Variants in DEPDC5 observed in about 807,000 individuals in gnomAD.
DEPDC5 encodes GATOR1 complex protein DEPDC5.
A neutral mutation model predicts 217.3 loss-of-function variants in DEPDC5; 73 were observed. The ratio of observed to expected loss-of-function variants is 0.34; its 90% CI spans 0.28 to 0.41. The LOEUF is 0.41. Among genes scored for constraint, DEPDC5 ranks in the 10% least tolerant of loss-of-function variants. The pLI is 1.00. For synonymous variants in DEPDC5, 733 were observed against 756.7 expected (o/e 0.97, Z 0.51); for missense variants, 1,675 against 2,070.1 (o/e 0.81, Z 3.70).
chr22:31,803,619 T>C (rs1446804575), intron 15 of DEPDC5, among the ~76,000 whole-genome samples: 1 of 151,986 alleles, frequency 6.6e-6, no homozygotes, highest in Non-Finnish European at 1.5e-5. Context: ...TTTGATTTGT[T>C]TCATCAACAA....
Position 31,837,260 on chromosome 22 carries a change from T to C in DEPDC5, c.2354+105T>C, listed in dbSNP as rs1034934876. ...TTTGTGCTGGCTTCAGCAACACATA[T>C]ATTAAAATTGGAACGATATAGAGGA... On this transcript the variant is annotated intron_variant, in intron 26 of 42. Transcript: ENST00000651528. The C allele has an allele frequency of 8.0e-5, 101 of 1,258,036 alleles. No individual in the cohort carries two copies. In the Admixed American group the frequency reaches 2.5e-3, roughly 31 times the overall value. The allele number at this position is 1,258,036 out of a possible 1,614,324, so 77.9% of individuals were successfully genotyped here.
intron 37 of DEPDC5, among the ~76,000 whole-genome samples, chr22:31,879,029 C>CAAAGAAA (rs1425789379): frequency 1.2e-4 from 8 of 68,174 alleles, no homozygotes; most frequent in Admixed American, 1.9e-4. Context: ...GACTCCGTCT[C>CAAAGAAA]AAAAAAAAAA....
intron 8 of DEPDC5, among the ~76,000 whole-genome samples, chr22:31,781,114 G>A (rs2084382173): frequency 6.6e-6 from 1 of 151,922 alleles, no homozygotes; most frequent in South Asian, 2.1e-4. Context: ...TACTTGGGAG[G>A]CTGAGGCAAG....
At chr22:31,879,067 T>TATATAC (rs1476103970) in intron 37 of DEPDC5, among the ~76,000 whole-genome samples, 1 of 133,968 alleles carries the variant, frequency 7.5e-6, no homozygotes, top group East Asian at 2.0e-4. Flanking sequence ...TATATATATA[T>TATATAC]ACACACACAC....
At chr22:31,880,040 G>C in intron 38 of DEPDC5, 2 of 408,752 alleles carry the variant, frequency 4.9e-6, no homozygotes, top group East Asian at 5.4e-5. Context: ...TTTTCCCGAG[G>C]GTTCTGTAGG....
intron 5 of DEPDC5, among the ~76,000 whole-genome samples, chr22:31,765,954 C>T (rs751494569): frequency 6.6e-6 from 1 of 152,036 alleles, no homozygotes; most frequent in Non-Finnish European, 1.5e-5. Context: ...GCCCAGGAGG[C>T]GGAGGCTGCA....
chr22:31,841,842 C>T (rs1210263206), intron 27 of DEPDC5, among the ~76,000 whole-genome samples: 1 of 152,198 alleles, frequency 6.6e-6, no homozygotes, highest in Non-Finnish European at 1.5e-5. Flanking sequence ...TCTAGGAAGT[C>T]AGCCTGAATT....
chr22:31,884,356 CCTG>C (rs1468533664), intron 38 of DEPDC5, among the ~76,000 whole-genome samples: 1 of 152,220 alleles, frequency 6.6e-6, no homozygotes, highest in Admixed American at 6.5e-5. Context: ...CACACTCTCT[CCTG>C]CTGGCAAAGC....
chr22:31,772,845 GAT>G (rs2083477795), intron 7 of DEPDC5, among the ~76,000 whole-genome samples: 1 of 151,790 alleles, frequency 6.6e-6, no homozygotes, highest in Non-Finnish European at 1.5e-5. Context: ...GTAGTAGCAT[GAT>G]ATCTCCCCAC....
chr22:31,879,361 C>G (rs1303166682), intron 37 of DEPDC5, among the ~76,000 whole-genome samples, 164 bp from the exon 38 acceptor site: 1 of 151,936 alleles, frequency 6.6e-6, no homozygotes, highest in Non-Finnish European at 1.5e-5. Flanking sequence ...CAAAGATTTG[C>G]CTATTTGCTA....
At chr22:31,865,125 C>T (rs937702648) in intron 33 of DEPDC5, among the ~76,000 whole-genome samples, 39 of 152,272 alleles carry the variant, frequency 2.6e-4, no homozygotes, top group Admixed American at 1.1e-3. Context: ...CGCACCCAGC[C>T]GTATTTTTTT....
At chr22:31,793,203 T>C (rs2085878467) in intron 12 of DEPDC5, among the ~76,000 whole-genome samples, 1 of 152,186 alleles carries the variant, frequency 6.6e-6, no homozygotes, top group African/African-American at 2.4e-5. Flanking sequence ...ATATTAACAT[T>C]TCATAACCAA....
intron 8 of DEPDC5, among the ~76,000 whole-genome samples, chr22:31,780,634 A>G (rs942401667): frequency 1.3e-5 from 2 of 152,038 alleles, no homozygotes; most frequent in African/African-American, 4.8e-5. Flanking sequence ...CAAGCCACTC[A>G]TCCAGGTCTC....
At chr22:31,815,280 G>A in intron 21 of DEPDC5, 68 bp downstream of exon 21, 1 of 1,564,914 alleles carries the variant, frequency 6.4e-7, no homozygotes, top group Non-Finnish European at 8.8e-7. Context: ...CTGGAGGTGG[G>A]AGGATTGGTC....
Position 31,901,752 on chromosome 22 carries a change from C to G in DEPDC5, c.4386C>G (p.Pro1462=), listed in dbSNP as rs754105028. 19 of 1,612,806 alleles carry G rather than the reference C, an allele frequency of 1.2e-5. No homozygotes were observed. In the South Asian group the frequency reaches 2.0e-4, roughly 17 times the overall value. The stretch of plus-strand genomic sequence containing the variant: ...TTATTTTCCTTTCAGGCTTTGAACC[C>G]GAAACGTACTGGGATCGAATGCACC... ...GSEHLFDSFE[P]ETYWDRMHLF... Residue 1462 remains proline, a synonymous_variant, in exon 41 of 43, where the codon CCC becomes CCG. Coordinates refer to ENST00000651528, the MANE Select transcript of DEPDC5 (RefSeq NM_001242896.3).
At chr22:31,806,062 T>G (rs1300902076) in intron 17 of DEPDC5, 60 bp from the exon 18 acceptor site, 1 of 1,474,850 alleles carries the variant, frequency 6.8e-7, no homozygotes, top group Non-Finnish European at 9.4e-7. Flanking sequence ...ATTTTAACTG[T>G]GTTTTGAGTT....
At chr22:31,791,290 G>A (rs1284050717) in intron 10 of DEPDC5, among the ~76,000 whole-genome samples, 1 of 152,078 alleles carries the variant, frequency 6.6e-6, no homozygotes, top group Admixed American at 6.6e-5. Context: ...CTGCACTGCA[G>A]CCTATAATTA....
chr22:31,906,163 C>T lies in DEPDC5; in HGVS notation c.4520-42C>T, dbSNP rs753258270. On this transcript the variant is annotated intron_variant, in intron 42 of 42. Transcript: ENST00000651528. This position sits in a 1 kb window ranked among gnomAD's most constrained non-coding sequence, Gnocchi z 5.1. ...AACCACCTCAGCAGGCTCCAGGAGC[C>T]CTCCTGGTGGCTGCCACACAGGCGC... 11 of 1,612,454 alleles carry T rather than the reference C, an allele frequency of 6.8e-6. No individual in the cohort carries two copies. In the East Asian group the frequency reaches 2.0e-4, roughly 29 times the overall value.
At chr22:31,902,408 T>TTA (rs66813737) in intron 41 of DEPDC5, among the ~76,000 whole-genome samples, 24,539 of 111,444 alleles carry the variant, frequency 0.22, 2,627 homozygotes, top group South Asian at 0.26. Context: ...CATCTCCTTA[T>TTA]TATATATATA....
Sources: allele counts gnomAD v4.1 joint callset (sites outside exome capture counted in the v4.1 genomes callset), GRCh38; gene constraint gnomAD v4.1.1; non-coding constraint Gnocchi (gnomAD v3.1); transcripts MANE v1.5; gene names NCBI Gene and HGNC (gene_info 2026-07-23, HGNC 2026-07-21).